The following LAMA3 variants were observed in gnomAD, a reference collection of about 807,000 sequenced individuals.
LAMA3 encodes laminin subunit alpha-3.
Under a neutral mutation model 402.0 loss-of-function variants are expected in LAMA3, and 281 were observed. That is an observed-to-expected ratio of 0.70 (90% confidence interval 0.63 to 0.77). LAMA3 has a LOEUF of 0.77. Ranked by LOEUF, LAMA3 falls within the 30% of genes least tolerant of loss-of-function variation. The pLI is 0.00. For synonymous variants in LAMA3, 1,431 were observed against 1,558.4 expected, an observed-to-expected ratio of 0.92 and a Z score of 1.93; for missense variants, 3,840 against 4,215.5, an observed-to-expected ratio of 0.91 and a Z score of 2.47.
chr18:23,753,105 T>TA (rs2061782399), intron 5 of LAMA3, among the ~76,000 whole-genome samples: 1 of 152,246 alleles, frequency 6.6e-6, no homozygotes, highest in African/African-American at 2.4e-5. Context: ...TGGCCTGGTT[T>TA]AGGGGCCAAT....
chr18:23,853,351 G>A (rs528152235), intron 32 of LAMA3, among the ~76,000 whole-genome samples: 7 of 152,106 alleles, frequency 4.6e-5, no homozygotes, highest in Non-Finnish European at 7.3e-5. Context: ...TCGGCTCACC[G>A]CAACCTCTGC....
rs1361654108 is a variant in LAMA3 at position 23,763,934 on chromosome 18, T to C, written c.1182+411T>C. Among the ~76,000 whole-genome samples the C allele has an allele frequency of 5.3e-5, 8 of 152,152 alleles. No homozygotes were observed. In the East Asian group the frequency reaches 1.5e-3, roughly 29 times the overall value. On this transcript the variant is annotated intron_variant, in intron 8 of 74. Coordinates refer to ENST00000313654, the MANE Select transcript of LAMA3 (RefSeq NM_198129.4). ...AGTGAGGAAATGCATCATGATCAATTAATGATGTCTTTCATAGACATCAAA... is the reference window on the plus strand; with the variant it reads ...AGTGAGGAAATGCATCATGATCAATCAATGATGTCTTTCATAGACATCAAA...
intron 32 of LAMA3, among the ~76,000 whole-genome samples, chr18:23,847,939 G>A (rs1176526946): frequency 6.6e-6 from 1 of 152,254 alleles, no homozygotes; most frequent in Non-Finnish European, 1.5e-5. Context: ...GTCACTATGG[G>A]ACTGTGTTCT....
At chr18:23,764,662 C>A (rs1036537198) in intron 8 of LAMA3, among the ~76,000 whole-genome samples, 2 of 150,818 alleles carry the variant, frequency 1.3e-5, no homozygotes, top group Non-Finnish European at 2.9e-5. Flanking sequence ...TGTTTTCCAA[C>A]TTAAATTTAA....
chr18:23,802,595 AG>A (rs992622506), intron 12 of LAMA3, among the ~76,000 whole-genome samples: 1 of 152,240 alleles, frequency 6.6e-6, no homozygotes, highest in Admixed American at 6.5e-5. Flanking sequence ...CAGAGGAATG[AG>A]GAAACCATGT....
At chr18:23,690,067 C>A in intron 1 of LAMA3, 90 bp downstream of exon 1, 4 of 1,075,484 alleles carry the variant, frequency 3.7e-6, no homozygotes, top group Non-Finnish European at 5.0e-6. Context: ...CCTTTCCTCA[C>A]GCGCGCTAGT....
At chr18:23,765,963 C>G (rs1266371231) in intron 8 of LAMA3, among the ~76,000 whole-genome samples, 1 of 151,848 alleles carries the variant, frequency 6.6e-6, no homozygotes, top group Non-Finnish European at 1.5e-5. Flanking sequence ...GATTTGGGAA[C>G]TGGTGAGACA....
intron 47 of LAMA3, among the ~76,000 whole-genome samples, chr18:23,900,351 G>A (rs189730885): frequency 2.0e-4 from 30 of 152,282 alleles, no homozygotes; most frequent in Non-Finnish European, 3.4e-4. Context: ...GATTACAGGC[G>A]TGAGCCACCG....
intron 2 of LAMA3, among the ~76,000 whole-genome samples, chr18:23,730,822 A>G (rs2061382557): frequency 6.6e-6 from 1 of 152,166 alleles, no homozygotes; most frequent in Non-Finnish European, 1.5e-5. Context: ...TGATTATTCT[A>G]AGCCTGAAAA....
intron 2 of LAMA3, among the ~76,000 whole-genome samples, chr18:23,735,939 C>T (rs961431681): frequency 6.6e-6 from 1 of 152,132 alleles, no homozygotes; most frequent in Non-Finnish European, 1.5e-5. Context: ...CCCGCTTCCC[C>T]AGAAATATGG....
intron 7 of LAMA3, among the ~76,000 whole-genome samples, chr18:23,761,904 TTAAA>T (rs2061977405): frequency 6.6e-6 from 1 of 152,214 alleles, no homozygotes; most frequent in Non-Finnish European, 1.5e-5. Context: ...TTAATTGCAA[TTAAA>T]TAAAAACTCC....
At position 23,907,716 on chromosome 18, in the gene LAMA3, G is replaced by C. The variant is rs559922934; in HGVS notation, c.6836-40G>C. 4 of 1,613,230 alleles carry C rather than the reference G, an allele frequency of 2.5e-6. No homozygotes were observed. The South Asian group carries it at 3.3e-5, about 13-fold the overall frequency. On this transcript the variant is annotated intron_variant, in intron 53 of 74. Coordinates refer to ENST00000313654, the MANE Select transcript of LAMA3 (RefSeq NM_198129.4). ...ACTCGGTTGGCTTCTTTTGTTGAACGTTTTAGATACTTATACCTCCCTATC... is the reference window on the plus strand; with the variant it reads ...ACTCGGTTGGCTTCTTTTGTTGAACCTTTTAGATACTTATACCTCCCTATC...
At chr18:23,923,548 G>A (rs926203840) in intron 62 of LAMA3, among the ~76,000 whole-genome samples, 1 of 152,208 alleles carries the variant, frequency 6.6e-6, no homozygotes, top group Admixed American at 6.5e-5. Context: ...ACACACCAAC[G>A]GAGGAGTGGG....
chr18:23,950,153 A>G lies in LAMA3; in HGVS notation c.9636A>G (p.Ala3212=), dbSNP rs755117980. ...PGKHLCVYLE[A]GKVTASMDSG... ...AGCACTTATGTGTTTACCTGGAGGC[A>G]GGAAAGGTGTGTAGCAGTCTGATGC... The change falls in exon 72 of 75, where the codon GCA becomes GCG. Residue 3212 remains alanine, a synonymous_variant. Transcript: ENST00000313654. 5 of 1,614,112 alleles carry G rather than the reference A, an allele frequency of 3.1e-6. No individual in the cohort carries two copies. Among genetic ancestry groups the G allele is most frequent in the Non-Finnish European group, 4.2e-6 (5 of 1,179,998 alleles).
chr18:23,808,672 C>T (rs189397315), intron 12 of LAMA3, among the ~76,000 whole-genome samples: 262 of 152,294 alleles, frequency 1.7e-3, no homozygotes, highest in Non-Finnish European at 2.9e-3. Context: ...GTAAACTAGC[C>T]GAGTTCCCCT....
chr18:23,722,734 CA>C (rs1179203461), intron 2 of LAMA3, among the ~76,000 whole-genome samples: 9 of 152,252 alleles, frequency 5.9e-5, no homozygotes, highest in African/African-American at 2.2e-4. Flanking sequence ...CACTAGGAAA[CA>C]AAACACTTTC....
At position 23,796,318 on chromosome 18, in the gene LAMA3, A is replaced by C. The variant is rs2062762451; in HGVS notation, c.1603+12161A>C. On this transcript the variant is annotated intron_variant, in intron 12 of 74. Transcript: ENST00000313654. ...TGTGGCCGTGGAATTCAGTGCTCTG[A>C]CTGGCCAAACCTGAGTCTTCCCCCA... Among the ~76,000 whole-genome samples the C allele has an allele frequency of 2.0e-5, 3 of 152,308 alleles. No homozygotes were observed. The South Asian group carries it at 6.2e-4, about 32-fold the overall frequency.
In LAMA3 at chr18:23,837,004, T is replaced by C; in HGVS notation, c.3008T>C (p.Ile1003Thr). The change falls in exon 25 of 75, where the codon ATT (isoleucine) becomes ACT (threonine). Residue 1003 changes from isoleucine (I) to threonine (T), a missense_variant. Transcript: ENST00000313654. The part of the protein sequence containing the change: ...NYSVLCRSAV[I>T]DHMSRIAMYE... ...AGTGTTCTCTGCCGGAGTGCTGTGA[T>C]TGATCACATGAGCCGCATCGCCATG... is the stretch of plus-strand genomic sequence containing the variant. The C allele has an allele frequency of 6.2e-7, 1 of 1,613,946 alleles. No individual in the cohort carries two copies. The highest frequency in any genetic ancestry group is 8.5e-7 in the Non-Finnish European group (1 of 1,179,954).
At chr18:23,776,943 C>T (rs144875347) in intron 10 of LAMA3, among the ~76,000 whole-genome samples, 105 of 150,964 alleles carry the variant, frequency 7.0e-4, no homozygotes, top group Middle Eastern at 3.4e-3. Context: ...CAGGTTCAAG[C>T]GATTCTCCTG....
Sources: allele counts gnomAD v4.1 joint callset (sites outside exome capture counted in the v4.1 genomes callset), GRCh38; gene constraint gnomAD v4.1.1; transcripts MANE v1.5; gene names NCBI Gene and HGNC (gene_info 2026-07-23, HGNC 2026-07-21).